Variants in SH3BP4 observed in about 807,000 individuals in gnomAD.
The protein encoded by SH3BP4 is SH3 domain binding protein 4.
A neutral mutation model predicts 65.5 loss-of-function variants in SH3BP4; 33 were observed. The ratio of observed to expected loss-of-function variants is 0.50; its 90% confidence interval spans 0.38 to 0.67. SH3BP4 has a LOEUF of 0.67. SH3BP4 is among the 30% of genes least tolerant of loss of function. The pLI, the probability that SH3BP4 is intolerant of heterozygous loss-of-function variation, is 0.00. For missense variants in SH3BP4, 1,134 were observed against 1,261.4 expected (o/e 0.90, Z 1.53); for synonymous variants, 552 against 545.5 (o/e 1.01, Z -0.17).
chr2:235,036,518 G>A (rs1695383871), intron 3 of SH3BP4, among the ~76,000 whole-genome samples: 1 of 152,070 alleles, frequency 6.6e-6, no homozygotes, highest in Admixed American at 6.6e-5. Context: ...CACTTTAGGA[G>A]GCCGAGGCAG....
intron 2 of SH3BP4, among the ~76,000 whole-genome samples, chr2:234,999,329 A>G (rs1406662955): frequency 3.3e-5 from 5 of 152,236 alleles, no homozygotes; most frequent in Non-Finnish European, 5.9e-5. Context: ...ACATCAGTCA[A>G]AGAAAGATTC....
chr2:234,962,138 A>G (rs1309757301), intron 1 of SH3BP4, among the ~76,000 whole-genome samples: 4 of 152,026 alleles, frequency 2.6e-5, no homozygotes, highest in African/African-American at 9.7e-5. Context: ...ATTTTCTTTC[A>G]GCTTTTGGTT....
chr2:235,046,831 T>C lies in SH3BP4; in HGVS notation c.2478+3584T>C, dbSNP rs1270722979. Among the ~76,000 whole-genome samples, 1 of 152,180 alleles carries C rather than the reference T, an allele frequency of 6.6e-6. No individual in the cohort carries two copies. Among genetic ancestry groups the C allele is most frequent in the East Asian group, 1.9e-4 (1 of 5,196 alleles). On this transcript the variant is annotated intron_variant, in intron 4 of 5. Coordinates refer to ENST00000392011, the MANE Select transcript of SH3BP4 (RefSeq NM_014521.3). This position sits in a 1 kb window ranked among gnomAD's most constrained non-coding sequence, Gnocchi z 4.2. Reference sequence around the variant, plus strand: ...GAGGCATTCTCACGTGGCCATACCATGCTTCTGTTCTGTGGTTCCATTTCC... The same window carrying C: ...GAGGCATTCTCACGTGGCCATACCACGCTTCTGTTCTGTGGTTCCATTTCC...
chr2:234,953,057 G>A (rs1433432098), intron 1 of SH3BP4: 1 of 152,260 alleles, frequency 6.6e-6, no homozygotes, highest in Admixed American at 6.5e-5. Context: ...AGAGGGTCGT[G>A]GAGCCTGATG....
At chr2:234,981,787 T>A (rs1400225015) in intron 1 of SH3BP4, 1 of 152,192 alleles carries the variant, frequency 6.6e-6, no homozygotes, top group Admixed American at 6.5e-5. Context: ...TCCGAGTTGT[T>A]GCAGAATCAT....
Position 235,043,093 on chromosome 2 carries a change from C to A in SH3BP4, c.2324C>A (p.Ala775Asp), listed in dbSNP as rs1171969567. The change falls in exon 4 of 6, where the codon GCC becomes GAC. Residue 775 changes from alanine (A) to aspartate (D), a missense_variant. Coordinates refer to ENST00000392011, the MANE Select transcript of SH3BP4 (RefSeq NM_014521.3). ...NISSWRSFAD[A>D]LGYVNLPLTF... is the part of the protein sequence containing the mutation. Reference sequence around the variant, plus strand: ...AGCAGCTGGCGCTCCTTCGCTGACGCCCTGGGCTACGTGAACCTGCCGCTC... The same window carrying A: ...AGCAGCTGGCGCTCCTTCGCTGACGACCTGGGCTACGTGAACCTGCCGCTC... 1.7e-5 allele frequency: 28 copies of A among 1,613,520 alleles called. No homozygotes were observed. The highest frequency in any genetic ancestry group is 2.4e-5 in the Non-Finnish European group (28 of 1,179,964).
intron 2 of SH3BP4, among the ~76,000 whole-genome samples, chr2:235,003,033 T>C (rs1045475838): frequency 3.9e-5 from 6 of 152,274 alleles, no homozygotes; most frequent in Non-Finnish European, 7.3e-5. Flanking sequence ...CATAGATGTG[T>C]GCCAGGAGGC....
intron 1 of SH3BP4, among the ~76,000 whole-genome samples, chr2:234,984,255 T>G (rs535003360): frequency 2.0e-5 from 3 of 152,222 alleles, no homozygotes; most frequent in East Asian, 3.9e-4. Context: ...CAGGCTGGAG[T>G]GCAGTGGTGC....
intron 3 of SH3BP4, among the ~76,000 whole-genome samples, chr2:235,038,198 T>TAC (rs1347078134): frequency 7.8e-6 from 1 of 129,014 alleles, no homozygotes; most frequent in African/African-American, 2.9e-5. Context: ...CATATATATA[T>TAC]ACACATATAT....
chr2:234,993,793 C>T (rs897730585), intron 1 of SH3BP4, among the ~76,000 whole-genome samples: 3 of 152,188 alleles, frequency 2.0e-5, no homozygotes, highest in Admixed American at 6.5e-5. Flanking sequence ...GAGGGATGGA[C>T]GGATGGCGGC....
In SH3BP4 at chr2:235,045,492, G is replaced by A. The variant is rs748816291; in HGVS notation, c.2478+2245G>A. Among the ~76,000 whole-genome samples, 78 of 152,136 alleles carry A rather than the reference G, an allele frequency of 5.1e-4. No homozygotes were observed. Among genetic ancestry groups the A allele is most frequent in the Non-Finnish European group, 9.4e-4 (64 of 68,026 alleles). ...CGCTCCAGGGAGGGGTGTGTCCTCTGTGCCCGAGTCCTTCCGCTACCCAGA... is the reference window on the plus strand; with the variant it reads ...CGCTCCAGGGAGGGGTGTGTCCTCTATGCCCGAGTCCTTCCGCTACCCAGA... On this transcript the variant is annotated intron_variant, in intron 4 of 5. Transcript: ENST00000392011. This position sits in a 1 kb window ranked among gnomAD's most constrained non-coding sequence, Gnocchi z 4.3.
rs192808539 is a variant in SH3BP4 at position 235,017,637 on chromosome 2, G to A, written c.-132-17234G>A. Among the ~76,000 whole-genome samples, 378 of 152,148 alleles carry A rather than the reference G, an allele frequency of 2.5e-3. 6 individuals carry two copies. The highest frequency in any genetic ancestry group is 8.8e-3 in the African/African-American group (364 of 41,492). Reference sequence around the variant, plus strand: ...GGCATAAGTTGCTTTATCGACATGAGTGAGCATTGATATTTCTGCACACGT... The same window carrying A: ...GGCATAAGTTGCTTTATCGACATGAATGAGCATTGATATTTCTGCACACGT... On this transcript the variant is annotated intron_variant, in intron 2 of 5. Transcript: ENST00000392011.
chr2:235,046,402 C>G lies in SH3BP4; in HGVS notation c.2478+3155C>G, dbSNP rs764877162. On this transcript the variant is annotated intron_variant, in intron 4 of 5. Transcript: ENST00000392011. The surrounding 1 kb of genome is among the most constrained non-coding windows in gnomAD (Gnocchi z 4.2). Reference sequence around the variant, plus strand: ...TGAGCAACATAGTGAGGCTTCATCTCTCCAATTTTTTTTTTTTAAATCAGC... The same window carrying G: ...TGAGCAACATAGTGAGGCTTCATCTGTCCAATTTTTTTTTTTTAAATCAGC... 6.6e-6 allele frequency among the ~76,000 whole-genome samples: 1 copy of G among 151,930 alleles called. No homozygotes were observed. The highest frequency in any genetic ancestry group is 1.5e-5 in the Non-Finnish European group (1 of 68,024).
intron 1 of SH3BP4, among the ~76,000 whole-genome samples, chr2:234,975,437 C>T (rs1474636364): frequency 1.3e-5 from 2 of 152,170 alleles, no homozygotes; most frequent in Non-Finnish European, 2.9e-5. Context: ...TGAGTCCCAT[C>T]GTCTAATGTG....
intron 1 of SH3BP4, among the ~76,000 whole-genome samples, chr2:234,955,641 G>C (rs917468781): frequency 6.6e-6 from 1 of 152,162 alleles, no homozygotes; most frequent in Non-Finnish European, 1.5e-5. Context: ...GAACATCACA[G>C]CCTCCCATCT....
intron 2 of SH3BP4, among the ~76,000 whole-genome samples, chr2:235,014,147 A>T (rs6743498): frequency 6.6e-6 from 1 of 151,954 alleles, no homozygotes; most frequent in South Asian, 2.1e-4. Flanking sequence ...GCAGGATTTT[A>T]TAAATTGCAC....
intron 1 of SH3BP4, among the ~76,000 whole-genome samples, chr2:234,983,917 C>T (rs563352426): frequency 6.6e-6 from 1 of 152,212 alleles, no homozygotes; most frequent in Non-Finnish European, 1.5e-5. Flanking sequence ...AGATTTCCAG[C>T]CTCCAGAACT....
At chr2:235,002,125 G>A (rs1419952496) in intron 2 of SH3BP4, among the ~76,000 whole-genome samples, 3 of 152,152 alleles carry the variant, frequency 2.0e-5, no homozygotes, top group Admixed American at 6.5e-5. Flanking sequence ...CCTCCCCAGA[G>A]TGCTGGGATT....
chr2:234,961,738 C>T (rs73124225), intron 1 of SH3BP4, among the ~76,000 whole-genome samples: 6,916 of 152,240 alleles, frequency 0.045, 333 homozygotes, highest in African/African-American at 0.12. Context: ...TGATATTCTT[C>T]TGATGCTCAA....
Sources: gnomAD v4.1 joint callset for allele counts (sites outside exome capture counted in the v4.1 genomes callset) on GRCh38, gnomAD v4.1.1 for gene constraint, Gnocchi (gnomAD v3.1) non-coding constraint, MANE v1.5 for transcripts, NCBI Gene and HGNC (gene_info 2026-07-23, HGNC 2026-07-21) for gene names.